NUDCD3: variants seen among roughly 807,000 people sequenced by gnomAD.
The protein encoded by NUDCD3 is nudC domain-containing protein 3.
In NUDCD3, 13 loss-of-function variants were observed where a neutral mutation model predicts 39.7. That is an observed-to-expected ratio of 0.33 (90% CI 0.21 to 0.52). NUDCD3 has a LOEUF of 0.52. Among genes scored for constraint, NUDCD3 ranks in the 20% least tolerant of loss-of-function variants. The pLI, the probability that NUDCD3 is intolerant of heterozygous loss-of-function variation, is 0.96. For missense variants in NUDCD3, 453 were observed against 458.1 expected, an observed-to-expected ratio of 0.99 and a Z score of 0.10; for synonymous variants, 175 against 172.4, an observed-to-expected ratio of 1.02 and a Z score of -0.12.
intron 2 of NUDCD3, among the ~76,000 whole-genome samples, chr7:44,436,520 T>C (rs930473898): frequency 7.2e-5 from 11 of 152,204 alleles, no homozygotes; most frequent in African/African-American, 2.7e-4. Flanking sequence ...TCCAGAGGGA[T>C]TGCCCCAATT....
chr7:44,405,964 T>C (rs534832913), intron 3 of NUDCD3, among the ~76,000 whole-genome samples: 1 of 152,208 alleles, frequency 6.6e-6, no homozygotes, highest in South Asian at 2.1e-4. Context: ...GCCTGGCTAA[T>C]TTTATTTTTA....
intron 2 of NUDCD3, among the ~76,000 whole-genome samples, chr7:44,430,570 T>TCACTCA (rs747711938): frequency 7.9e-6 from 1 of 125,838 alleles, no homozygotes; most frequent in Non-Finnish European, 1.7e-5. Context: ...ACACACACAC[T>TCACTCA]CACACACACA....
At chr7:44,420,170 T>C (rs1799110946) in intron 3 of NUDCD3, among the ~76,000 whole-genome samples, 1 of 151,890 alleles carries the variant, frequency 6.6e-6, no homozygotes, top group Non-Finnish European at 1.5e-5. Flanking sequence ...CTGATGGAGC[T>C]GAAAAACACA....
chr7:44,473,229 C>G (rs1800292498), intron 2 of NUDCD3, among the ~76,000 whole-genome samples: 1 of 152,320 alleles, frequency 6.6e-6, no homozygotes, highest in Admixed American at 6.5e-5. Flanking sequence ...TAAATCAGAT[C>G]TCTAGAGCAA....
At chr7:44,468,257 A>G (rs1186407871) in intron 2 of NUDCD3, 1 of 1,594,846 alleles carries the variant, frequency 6.3e-7, no homozygotes, top group Admixed American at 1.7e-5. Flanking sequence ...ACTGGCCATC[A>G]GAGTCACCAA....
rs776409980 is a variant in NUDCD3, at chr7:44,427,561, A to G, written c.642+10T>C. 6.2e-7 allele frequency: 1 copy of G among 1,610,598 alleles called. No individual in the cohort carries two copies. The highest frequency in any genetic ancestry group is 8.5e-7 in the Non-Finnish European group (1 of 1,178,310). On this transcript the variant is annotated intron_variant, in intron 3 of 5. Transcript: ENST00000355451. ...TGAAGCCGCCCACCCCTACCCGCCA[A>G]GGCCATTACCTGCTTTCCCTTCACC...
chr7:44,473,958 A>G (rs1033620042), intron 2 of NUDCD3, among the ~76,000 whole-genome samples: 6 of 152,240 alleles, frequency 3.9e-5, no homozygotes, highest in Non-Finnish European at 7.3e-5. Flanking sequence ...TAATTAGGAC[A>G]CTATAAGAAA....
intron 2 of NUDCD3, among the ~76,000 whole-genome samples, chr7:44,431,981 T>A (rs527336949): frequency 4.6e-5 from 7 of 152,220 alleles, no homozygotes; most frequent in African/African-American, 1.7e-4. Flanking sequence ...CTCCTTCCAT[T>A]TGTTTTTAAA....
At chr7:44,392,581 G>A in intron 4 of NUDCD3, 96 bp from the exon 5 acceptor site, 1 of 1,096,158 alleles carries the variant, frequency 9.1e-7, no homozygotes, top group Non-Finnish European at 1.3e-6. Flanking sequence ...GGGTGTCCAG[G>A]ATAAGCTCAG....
chr7:44,402,250 C>A (rs1798740518), intron 4 of NUDCD3, among the ~76,000 whole-genome samples: 1 of 152,192 alleles, frequency 6.6e-6, no homozygotes, highest in Non-Finnish European at 1.5e-5. Flanking sequence ...TTGTAAGGCA[C>A]CTCACAAAGA....
At position 44,490,624 on chromosome 7, in the gene NUDCD3, T is replaced by C. The variant is rs1173003180; in HGVS notation, c.-24A>G. On this transcript the variant is annotated 5_prime_UTR_variant, in exon 1 of 6. Coordinates refer to ENST00000355451, the MANE Select transcript of NUDCD3 (RefSeq NM_015332.4). ...ATGTCGCCTCCCGCCCTAGGTACGC[T>C]TCACACACACAGCGCCGCCTCAGAC... The C allele has an allele frequency of 1.3e-6, 2 of 1,582,892 alleles. No individual in the cohort carries two copies. The highest frequency in any genetic ancestry group is 2.3e-5 in the East Asian group (1 of 42,666).
intron 4 of NUDCD3, among the ~76,000 whole-genome samples, chr7:44,398,885 C>T (rs1798672235): frequency 6.6e-6 from 1 of 152,170 alleles, no homozygotes; most frequent in Non-Finnish European, 1.5e-5. Context: ...GGAATGTGGG[C>T]CACAATGGAG....
At position 44,385,867 on chromosome 7, in the gene NUDCD3, T is replaced by G. The variant is rs1585045852; in HGVS notation, c.*144A>C. On this transcript the variant is annotated 3_prime_UTR_variant, in exon 6 of 6. Coordinates refer to ENST00000355451, the MANE Select transcript of NUDCD3 (RefSeq NM_015332.4). The stretch of plus-strand genomic sequence containing the variant: ...ACAGTCTGGAGATGCAAGGTCAGGG[T>G]GGAAGGCCTGGTTCACCCTTGAAAG... The G allele has an allele frequency of 1.6e-6, 1 of 618,534 alleles. No homozygotes were observed. Among genetic ancestry groups the G allele is most frequent in the South Asian group, 1.9e-5 (1 of 52,212 alleles). The allele number at this position is 618,534 out of a possible 1,614,324, so 38.3% of individuals were successfully genotyped here. A position where few individuals can be genotyped will look rare whatever the true frequency, so the allele number is the denominator to read the frequency against.
intron 3 of NUDCD3, among the ~76,000 whole-genome samples, chr7:44,415,301 A>G (rs1798998890): frequency 6.6e-6 from 1 of 152,218 alleles, no homozygotes; most frequent in South Asian, 2.1e-4. Context: ...CATTAACTCA[A>G]AGTTCCTTGT....
chr7:44,438,513 G>A (rs6463234), intron 2 of NUDCD3, among the ~76,000 whole-genome samples: 20,300 of 151,738 alleles, frequency 0.13, 1,689 homozygotes, highest in Non-Finnish European at 0.19. Flanking sequence ...TCAAAATCAT[G>A]GCCTTGTAGA....
intron 4 of NUDCD3, among the ~76,000 whole-genome samples, chr7:44,396,033 G>A (rs868678244): frequency 3.3e-5 from 5 of 152,002 alleles, no homozygotes; most frequent in Non-Finnish European, 7.4e-5. Flanking sequence ...TCCCACCAGC[G>A]GCATACAATG....
At chr7:44,442,050 C>T (rs1243156360) in intron 2 of NUDCD3, among the ~76,000 whole-genome samples, 1 of 152,154 alleles carries the variant, frequency 6.6e-6, no homozygotes, top group African/African-American at 2.4e-5. Context: ...CACATGAGTA[C>T]CTTCCTCAAA....
intron 2 of NUDCD3, among the ~76,000 whole-genome samples, chr7:44,476,582 T>C (rs1005590325): frequency 6.6e-6 from 1 of 152,184 alleles, no homozygotes; most frequent in African/African-American, 2.4e-5. Flanking sequence ...TAGCCTCCTA[T>C]AGAGGCTGTC....
At chr7:44,463,244 A>G (rs571315491) in intron 2 of NUDCD3, among the ~76,000 whole-genome samples, 1 of 152,232 alleles carries the variant, frequency 6.6e-6, no homozygotes, top group East Asian at 1.9e-4. Flanking sequence ...GCCCCTCCCC[A>G]AAAACACATA....
Sources: gnomAD v4.1 joint callset for allele counts (sites outside exome capture counted in the v4.1 genomes callset) on GRCh38, gnomAD v4.1.1 for gene constraint, MANE v1.5 for transcripts, NCBI Gene and HGNC (gene_info 2026-07-23, HGNC 2026-07-21) for gene names.